OSBPL6: variants seen among roughly 807,000 people sequenced by gnomAD.
OSBPL6 encodes oxysterol-binding protein-related protein 6.
A neutral mutation model predicts 125.8 loss-of-function variants in OSBPL6; 49 were observed. That is an observed-to-expected ratio of 0.39 (90% CI 0.31 to 0.49). OSBPL6 has a LOEUF of 0.49. Among genes scored for constraint, OSBPL6 ranks in the 20% least tolerant of loss-of-function variants. The pLI, the probability that OSBPL6 is intolerant of heterozygous loss-of-function variation, is 0.88. For synonymous variants in OSBPL6, 394 were observed against 391.8 expected (o/e 1.01, Z -0.07); for missense variants, 986 against 1,135.4 (o/e 0.87, Z 1.89).
intron 8 of OSBPL6, among the ~76,000 whole-genome samples, chr2:178,334,479 G>T (rs1018894814): frequency 6.6e-6 from 1 of 152,028 alleles, no homozygotes; most frequent in African/African-American, 2.4e-5. Flanking sequence ...TCCTATTAAC[G>T]ATGTTAAAAT....
chr2:178,214,799 T>A (rs75705975), intron 1 of OSBPL6, among the ~76,000 whole-genome samples: 2 of 151,960 alleles, frequency 1.3e-5, no homozygotes, highest in Admixed American at 6.6e-5. Context: ...ATTTTTTTTT[T>A]AATCAGCCAG....
intron 2 of OSBPL6, among the ~76,000 whole-genome samples, chr2:178,294,671 A>G (rs952743834): frequency 2.6e-5 from 4 of 151,882 alleles, no homozygotes; most frequent in African/African-American, 9.7e-5. Flanking sequence ...AAAGTCGGAA[A>G]ATTCTAAGTC....
intron 1 of OSBPL6, among the ~76,000 whole-genome samples, chr2:178,253,406 A>G (rs2091768374): frequency 6.6e-6 from 1 of 152,186 alleles, no homozygotes; most frequent in Non-Finnish European, 1.5e-5. Flanking sequence ...ATAGAAATGG[A>G]TAAGTTGAGT....
At chr2:178,294,252 T>C (rs1464123877) in intron 2 of OSBPL6, among the ~76,000 whole-genome samples, 1 of 152,146 alleles carries the variant, frequency 6.6e-6, no homozygotes, top group Non-Finnish European at 1.5e-5. Flanking sequence ...CATATAATTA[T>C]GGGTTATACC....
chr2:178,396,004 T>G lies in OSBPL6; in HGVS notation c.*445T>G, dbSNP rs1203579929. Reference sequence around the variant, plus strand: ...TCCTGGGCCACAAGCAGTCGGTCAGTGCAGACTTCAAGTGTGTCTGTTTGA... The same window carrying G: ...TCCTGGGCCACAAGCAGTCGGTCAGGGCAGACTTCAAGTGTGTCTGTTTGA... On this transcript the variant is annotated 3_prime_UTR_variant, in exon 25 of 25. Transcript: ENST00000190611. 1 of 330,340 alleles carries G rather than the reference T, an allele frequency of 3.0e-6. No individual in the cohort carries two copies. The highest frequency in any genetic ancestry group is 5.9e-6 in the Non-Finnish European group (1 of 168,834). The allele number at this position is 330,340 out of a possible 1,614,324, so 20.5% of individuals were successfully genotyped here. A position where few individuals can be genotyped will look rare whatever the true frequency, so the allele number is the denominator to read the frequency against.
chr2:178,292,730 C>T (rs1216511438), intron 2 of OSBPL6, among the ~76,000 whole-genome samples: 3 of 151,986 alleles, frequency 2.0e-5, no homozygotes, highest in African/African-American at 7.3e-5. Flanking sequence ...ACAAGGAGAG[C>T]AGGAAACAAG....
At position 178,373,831 on chromosome 2, in the gene OSBPL6, G is replaced by T. The variant is rs535547461; in HGVS notation, c.1396-59G>T. 5 of 1,590,000 alleles carry T rather than the reference G, an allele frequency of 3.1e-6. No homozygotes were observed. In the East Asian group the frequency reaches 6.7e-5, roughly 21 times the overall value. ...AGAGTAGAAATCTGGCTAATTTGAA[G>T]GAATAGCTATTCTAACAGGGAGAAA... On this transcript the variant is annotated intron_variant, in intron 14 of 24. Transcript: ENST00000190611.
At chr2:178,220,533 T>G (rs1326296101) in intron 1 of OSBPL6, among the ~76,000 whole-genome samples, 2 of 152,162 alleles carry the variant, frequency 1.3e-5, no homozygotes, top group Non-Finnish European at 2.9e-5. Context: ...CTTGAACTCC[T>G]GGGCTCAAGC....
chr2:178,358,181 T>C (rs766474515), intron 12 of OSBPL6, among the ~76,000 whole-genome samples: 5 of 152,170 alleles, frequency 3.3e-5, no homozygotes, highest in African/African-American at 1.2e-4. Context: ...TGTATACCTA[T>C]GTACCAAACC....
chr2:178,209,115 C>T (rs1209613518), intron 1 of OSBPL6, among the ~76,000 whole-genome samples: 1 of 152,050 alleles, frequency 6.6e-6, no homozygotes, highest in East Asian at 1.9e-4. Flanking sequence ...TTTGGTGTGC[C>T]GTTTCAGTCT....
At chr2:178,252,536 A>G (rs1203893237) in intron 1 of OSBPL6, among the ~76,000 whole-genome samples, 1 of 152,162 alleles carries the variant, frequency 6.6e-6, no homozygotes, top group Non-Finnish European at 1.5e-5. Context: ...TAAAACAAAA[A>G]AAATAGGAGA....
chr2:178,284,608 C>T (rs1180243920), intron 1 of OSBPL6, among the ~76,000 whole-genome samples: 1 of 152,096 alleles, frequency 6.6e-6, no homozygotes, highest in Admixed American at 6.6e-5. Flanking sequence ...AATTGGAGGG[C>T]TAAATGTGGT....
At chr2:178,279,407 T>A (rs936756324) in intron 1 of OSBPL6, among the ~76,000 whole-genome samples, 7 of 152,194 alleles carry the variant, frequency 4.6e-5, no homozygotes, top group African/African-American at 7.2e-5. Context: ...GAAGGAACCA[T>A]TGCCAAGTCA....
Position 178,395,531 on chromosome 2 carries a change from G to A in OSBPL6, c.2777G>A (p.Ser926Asn), listed in dbSNP as rs1419989931. 1 of 1,613,344 alleles carries A rather than the reference G, an allele frequency of 6.2e-7. No individual in the cohort carries two copies. The highest frequency in any genetic ancestry group is 1.3e-5 in the African/African-American group (1 of 74,862). ...YWELRKDPGF[S>N]KVDSPVLW ...GAGCTTCGAAAGGACCCTGGGTTTA[G>A]CAAAGTAGACAGCCCTGTTCTTTGG... is the stretch of plus-strand genomic sequence containing the variant. The change falls in exon 25 of 25, where the codon AGC (serine) becomes AAC (asparagine). Residue 926 changes from serine (S) to asparagine (N), a missense_variant. Transcript: ENST00000190611.
chr2:178,285,391 T>C (rs1222167692), intron 2 of OSBPL6, among the ~76,000 whole-genome samples: 1 of 152,220 alleles, frequency 6.6e-6, no homozygotes, highest in Non-Finnish European at 1.5e-5. Context: ...GGAAATATGA[T>C]ACTGCTTTTC....
At chr2:178,202,047 C>T (rs1220986605) in intron 1 of OSBPL6, among the ~76,000 whole-genome samples, 1 of 152,128 alleles carries the variant, frequency 6.6e-6, no homozygotes, top group Non-Finnish European at 1.5e-5. Flanking sequence ...AGTATTGGAA[C>T]CTTATAATAA....
intron 9 of OSBPL6, among the ~76,000 whole-genome samples, chr2:178,337,990 G>A (rs756849627): frequency 2.8e-5 from 4 of 141,328 alleles, no homozygotes; most frequent in Non-Finnish European, 4.5e-5. Context: ...TGCATAGGCT[G>A]GAGTGCAATG....
intron 2 of OSBPL6, among the ~76,000 whole-genome samples, chr2:178,299,015 C>G (rs2154053523): frequency 6.6e-6 from 1 of 152,194 alleles, no homozygotes; most frequent in Non-Finnish European, 1.5e-5. Flanking sequence ...TTATTGTTGC[C>G]AAAAAGTCTT....
chr2:178,213,343 C>T (rs2089951755), intron 1 of OSBPL6, among the ~76,000 whole-genome samples: 1 of 152,052 alleles, frequency 6.6e-6, no homozygotes, highest in African/African-American at 2.4e-5. Context: ...ACAGGAATTA[C>T]AAACTTGTGC....
Sources: gnomAD v4.1 joint callset for allele counts (sites outside exome capture counted in the v4.1 genomes callset) on GRCh38, gnomAD v4.1.1 for gene constraint, MANE v1.5 for transcripts, NCBI Gene and HGNC (gene_info 2026-07-23, HGNC 2026-07-21) for gene names.